The following STK39 variants were observed in gnomAD, a reference collection of about 807,000 sequenced individuals.
STK39 encodes the protein STE20/SPS1-related proline-alanine-rich protein kinase.
In STK39, 20 loss-of-function variants were observed where a neutral mutation model predicts 77.8. The observed-to-expected ratio is 0.26, with a 90% CI of 0.18 to 0.37. The LOEUF (loss-of-function observed/expected upper bound fraction) is 0.37, where lower values mean the gene tolerates loss of function less well. Ranked by LOEUF, STK39 falls within the 10% of genes least tolerant of loss-of-function variation. The probability of loss-of-function intolerance (pLI) is 1.00; values close to 1 mark genes in which losing one functional copy is unlikely to be tolerated. For missense variants in STK39, 479 were observed against 656.5 expected (o/e 0.73, Z 2.95); for synonymous variants, 246 against 234.1 (o/e 1.05, Z -0.47).
At chr2:168,040,589 C>A (rs184800137) in intron 14 of STK39, among the ~76,000 whole-genome samples, 3 of 152,264 alleles carry the variant, frequency 2.0e-5, no homozygotes, top group Admixed American at 6.5e-5. Context: ...AACATGAAAT[C>A]CTTCCCAATA....
chr2:168,197,932 G>A (rs756703925), intron 1 of STK39, among the ~76,000 whole-genome samples: 11 of 151,826 alleles, frequency 7.2e-5, no homozygotes, highest in Admixed American at 6.6e-4. Context: ...CATCTACTTG[G>A]GAGGCTGAGG....
intron 14 of STK39, among the ~76,000 whole-genome samples, chr2:168,030,074 A>G (rs1021054570): frequency 4.7e-5 from 7 of 150,510 alleles, no homozygotes; most frequent in Non-Finnish European, 1.0e-4. Flanking sequence ...CCCCGTCTCT[A>G]CTAAAAAATA....
chr2:168,001,280 A>G (rs1407429754), intron 16 of STK39, among the ~76,000 whole-genome samples: 1 of 151,930 alleles, frequency 6.6e-6, no homozygotes. Flanking sequence ...AAAAAAAAAA[A>G]AAAAACAACA....
intron 10 of STK39, among the ~76,000 whole-genome samples, chr2:168,129,204 T>C (rs1232665685): frequency 6.6e-6 from 1 of 152,238 alleles, no homozygotes; most frequent in Non-Finnish European, 1.5e-5. Flanking sequence ...AAAGTGAGCA[T>C]GCCTCTTCTG....
At chr2:167,980,425 C>T (rs1298051085) in intron 16 of STK39, among the ~76,000 whole-genome samples, 3 of 152,216 alleles carry the variant, frequency 2.0e-5, no homozygotes, top group South Asian at 4.1e-4. Context: ...TAACAGGACA[C>T]ACACAGCTTG....
At chr2:168,242,576 T>A (rs1422431336) in intron 1 of STK39, among the ~76,000 whole-genome samples, 4,889 of 75,932 alleles carry the variant, frequency 0.064, 679 homozygotes, top group East Asian at 0.16. Context: ...TATATATATA[T>A]ATATATATAT....
chr2:167,957,832 C>CT (rs781776410), intron 17 of STK39, among the ~76,000 whole-genome samples: 3 of 152,220 alleles, frequency 2.0e-5, no homozygotes, highest in Non-Finnish European at 2.9e-5. Context: ...GAAATGAGAA[C>CT]TTACTAGAGT....
intron 10 of STK39, among the ~76,000 whole-genome samples, chr2:168,085,279 C>A (rs1686335960): frequency 6.6e-6 from 1 of 152,188 alleles, no homozygotes; most frequent in Non-Finnish European, 1.5e-5. Flanking sequence ...GAGAGGGGAG[C>A]CAAGAGCCTT....
At chr2:168,131,144 CTT>C (rs1223531345) in intron 8 of STK39, among the ~76,000 whole-genome samples, 1 of 152,128 alleles carries the variant, frequency 6.6e-6, no homozygotes, top group Non-Finnish European at 1.5e-5. Flanking sequence ...AGTATTAAGT[CTT>C]TTACTTTCAG....
At chr2:168,245,144 T>G (rs1690865292) in intron 1 of STK39, among the ~76,000 whole-genome samples, 1 of 152,232 alleles carries the variant, frequency 6.6e-6, no homozygotes, top group East Asian at 1.9e-4. Context: ...CACCTCTTCC[T>G]GTCAGAGTTC....
intron 1 of STK39, among the ~76,000 whole-genome samples, chr2:168,194,098 GTA>G (rs1193087498): frequency 6.6e-6 from 1 of 152,170 alleles, no homozygotes; most frequent in Non-Finnish European, 1.5e-5. Context: ...ATTCAGAAAT[GTA>G]TGTGTATCGG....
At chr2:168,117,952 A>C (rs1687301071) in intron 10 of STK39, among the ~76,000 whole-genome samples, 1 of 152,156 alleles carries the variant, frequency 6.6e-6, no homozygotes, top group Non-Finnish European at 1.5e-5. Flanking sequence ...TGACAAGATC[A>C]AAAGGGCATT....
intron 15 of STK39, among the ~76,000 whole-genome samples, chr2:168,015,443 T>C (rs1245402626): frequency 6.6e-6 from 1 of 152,226 alleles, no homozygotes; most frequent in Non-Finnish European, 1.5e-5. Context: ...AATGGGCCTG[T>C]GCTCTGCCAC....
At chr2:168,061,011 T>C (rs1236448631) in intron 14 of STK39, among the ~76,000 whole-genome samples, 1 of 152,238 alleles carries the variant, frequency 6.6e-6, no homozygotes, top group East Asian at 1.9e-4. Flanking sequence ...TGGTGATGAT[T>C]GAAACACACA....
At chr2:168,014,456 CCTGT>C (rs947441467) in intron 15 of STK39, among the ~76,000 whole-genome samples, 6 of 151,644 alleles carry the variant, frequency 4.0e-5, no homozygotes, top group South Asian at 2.1e-4. Context: ...AGAGTGAAAC[CCTGT>C]CTATTTTTTA....
chr2:168,080,826 G>A (rs534948163), intron 10 of STK39, among the ~76,000 whole-genome samples: 1 of 152,302 alleles, frequency 6.6e-6, no homozygotes, highest in South Asian at 2.1e-4. Flanking sequence ...TGCTCCAGCT[G>A]TGACTGCTCC....
In STK39 at chr2:168,181,965, C is replaced by A. The variant is rs78152006; in HGVS notation, c.321+13G>T. 5,153 of 1,606,950 alleles carry A rather than the reference C, an allele frequency of 3.2e-3. 150 individuals carry two copies. The African/African-American group carries it at 0.061, about 19-fold the overall frequency. On this transcript the variant is annotated intron_variant, in intron 2 of 17. Coordinates refer to ENST00000355999, the MANE Select transcript of STK39 (RefSeq NM_013233.3). ...AAAAGCAACCAGCAGGTATTCCCTG[C>A]ACTGTTACTTACTAATAGTTCATCC...
chr2:167,995,985 C>T (rs567751855), intron 16 of STK39, among the ~76,000 whole-genome samples: 1 of 152,258 alleles, frequency 6.6e-6, no homozygotes, highest in South Asian at 2.1e-4. Flanking sequence ...TATTGAAATT[C>T]TTAATTTTTG....
At chr2:168,213,269 T>G (rs1215342879) in intron 1 of STK39, among the ~76,000 whole-genome samples, 1 of 151,422 alleles carries the variant, frequency 6.6e-6, no homozygotes, top group Non-Finnish European at 1.5e-5. Context: ...AACACACAAA[T>G]CTCATCTGCC....
Sources: gnomAD v4.1 joint callset for allele counts (sites outside exome capture counted in the v4.1 genomes callset) on GRCh38, gnomAD v4.1.1 for gene constraint, MANE v1.5 for transcripts, NCBI Gene and HGNC (gene_info 2026-07-23, HGNC 2026-07-21) for gene names.